The following KIAA1549L variants were observed in gnomAD, a reference collection of about 807,000 sequenced individuals.
The protein encoded by KIAA1549L is UPF0606 protein KIAA1549L.
Under a neutral mutation model 160.7 loss-of-function variants are expected in KIAA1549L, and 88 were observed. The observed-to-expected ratio is 0.55, with a 90% CI of 0.46 to 0.65. The LOEUF (loss-of-function observed/expected upper bound fraction) is 0.65, where lower values mean the gene tolerates loss of function less well. Ranked by LOEUF, KIAA1549L falls within the 30% of genes least tolerant of loss-of-function variation. The pLI is 0.00. For missense variants in KIAA1549L, 2,258 were observed against 2,437.5 expected (o/e 0.93, Z 1.55); for synonymous variants, 950 against 976.7 (o/e 0.97, Z 0.51).
intron 7 of KIAA1549L, among the ~76,000 whole-genome samples, 163 bp downstream of exon 7, chr11:33,560,074 C>A (rs1434741933): frequency 1.3e-5 from 2 of 152,294 alleles, no homozygotes; most frequent in East Asian, 3.9e-4. Flanking sequence ...ATTAAGGAGG[C>A]AGATGGATTA....
At chr11:33,636,718 T>C (rs1159076164) in intron 16 of KIAA1549L, among the ~76,000 whole-genome samples, 1 of 152,242 alleles carries the variant, frequency 6.6e-6, no homozygotes, top group East Asian at 1.9e-4. Context: ...AATTTCTCAC[T>C]GTGCCTAATT....
chr11:33,517,770 C>T (rs1018207309), intron 1 of KIAA1549L, among the ~76,000 whole-genome samples: 12 of 152,078 alleles, frequency 7.9e-5, no homozygotes, highest in Admixed American at 1.3e-4. Flanking sequence ...CTGTGGGAAA[C>T]TCTGCAGGTA....
intron 1 of KIAA1549L, among the ~76,000 whole-genome samples, chr11:33,487,032 T>G (rs1179180191): frequency 2.0e-5 from 3 of 152,230 alleles, no homozygotes; most frequent in Admixed American, 1.3e-4. Context: ...TATGTGGATC[T>G]CCATAGCAAT....
In KIAA1549L at chr11:33,531,533, T is replaced by C. The variant is rs144247155; in HGVS notation, c.239-10269T>C. Among the ~76,000 whole-genome samples the C allele has an allele frequency of 1.2e-3, 176 of 152,294 alleles. 2 individuals are homozygous for C. The highest frequency in any genetic ancestry group is 4.1e-3 in the African/African-American group (170 of 41,568). ...GAGGTATCAGCTTTATTTTTAAACC[T>C]GATTCCACAAAAGATTACCAACAAA... is the stretch of plus-strand genomic sequence containing the variant. On this transcript the variant is annotated intron_variant, in intron 1 of 20. Coordinates refer to ENST00000658780, the MANE Select transcript of KIAA1549L (RefSeq NM_012194.3).
intron 16 of KIAA1549L, among the ~76,000 whole-genome samples, chr11:33,634,420 C>T (rs144238868): frequency 6.6e-6 from 1 of 152,270 alleles, no homozygotes; most frequent in East Asian, 1.9e-4. Context: ...TCCAGCATGA[C>T]TGGACAAGAG....
intron 1 of KIAA1549L, among the ~76,000 whole-genome samples, chr11:33,459,222 A>G (rs1383757353): frequency 1.3e-5 from 2 of 152,120 alleles, no homozygotes; most frequent in Non-Finnish European, 2.9e-5. Context: ...TGCTGTTTTA[A>G]CCTTGTTGGA....
intron 16 of KIAA1549L, among the ~76,000 whole-genome samples, chr11:33,644,750 C>T (rs1013259597): frequency 2.6e-5 from 4 of 152,242 alleles, no homozygotes; most frequent in Admixed American, 1.3e-4. Flanking sequence ...CTGTGGCATC[C>T]GCCACAAGGC....
intron 1 of KIAA1549L, among the ~76,000 whole-genome samples, chr11:33,458,769 G>C (rs751237433): frequency 1.3e-5 from 2 of 152,212 alleles, no homozygotes; most frequent in Non-Finnish European, 2.9e-5. Flanking sequence ...TGATTGTGCT[G>C]AGCAAGTGGC....
chr11:33,665,526 T>G (rs113500601), intron 20 of KIAA1549L: 16 of 152,374 alleles, frequency 1.1e-4, no homozygotes, highest in African/African-American at 3.6e-4. Flanking sequence ...CTCTCTCTCT[T>G]CTGCCCTGCT....
At chr11:33,530,401 A>AAAG (rs1322448838) in intron 1 of KIAA1549L, among the ~76,000 whole-genome samples, 1 of 104,244 alleles carries the variant, frequency 9.6e-6, no homozygotes. Context: ...GACTCCGTCT[A>AAAG]AAGAAGAAGA....
intron 1 of KIAA1549L, among the ~76,000 whole-genome samples, chr11:33,466,892 C>A (rs1314844647): frequency 1.3e-5 from 2 of 149,076 alleles, no homozygotes; most frequent in Non-Finnish European, 3.0e-5. Context: ...ACCACATGTT[C>A]TCACTCATAA....
intron 1 of KIAA1549L, among the ~76,000 whole-genome samples, chr11:33,422,114 C>A (rs867299073): frequency 1.3e-4 from 20 of 152,224 alleles, no homozygotes; most frequent in African/African-American, 3.4e-4. Flanking sequence ...TCCTGCCAGG[C>A]CTCTCTCCAT....
intron 17 of KIAA1549L, among the ~76,000 whole-genome samples, chr11:33,651,684 C>T: frequency 6.6e-6 from 1 of 152,100 alleles, no homozygotes; most frequent in Non-Finnish European, 1.5e-5. Context: ...GATCCCTCCT[C>T]CTGGGTAAAT....
chr11:33,540,212 G>T (rs1298303526), intron 1 of KIAA1549L, among the ~76,000 whole-genome samples: 1 of 152,142 alleles, frequency 6.6e-6, no homozygotes, highest in Non-Finnish European at 1.5e-5. Context: ...AAGCTGCTCA[G>T]CCTGTAGCAT....
intron 3 of KIAA1549L, among the ~76,000 whole-genome samples, 170 bp downstream of exon 3, chr11:33,545,548 G>T (rs1854223685): frequency 6.6e-6 from 1 of 152,202 alleles, no homozygotes; most frequent in African/African-American, 2.4e-5. Flanking sequence ...GATGGCTGGA[G>T]ATACTACTAA....
chr11:33,568,097 C>T lies in KIAA1549L; in HGVS notation c.4100C>T (p.Ser1367Leu), dbSNP rs746306315. The T allele has an allele frequency of 1.6e-5, 26 of 1,611,418 alleles. No individual in the cohort carries two copies. Among genetic ancestry groups the T allele is most frequent in the South Asian group, 1.5e-4 (14 of 90,410 alleles). ...ACAGTGCTGCAGGGTGTGGACAATTCGCTGGTGGGCCTGCACAACCAGAGC... is the reference window on the plus strand; with the variant it reads ...ACAGTGCTGCAGGGTGTGGACAATTTGCTGGTGGGCCTGCACAACCAGAGC... The part of the protein sequence containing the change: ...VITVLQGVDN[S>L]LVGLHNQSFA... Residue 1367 changes from serine to leucine, a missense_variant, in exon 9 of 21, where the codon TCG becomes TTG. Physicochemically the swap from Ser to Leu is moderately radical, Grantham distance 145. Coordinates refer to ENST00000658780, the MANE Select transcript of KIAA1549L (RefSeq NM_012194.3).
chr11:33,581,366 T>A (rs904350196), intron 10 of KIAA1549L, among the ~76,000 whole-genome samples: 13 of 151,926 alleles, frequency 8.6e-5, no homozygotes, highest in African/African-American at 3.1e-4. Context: ...TTAGATTATT[T>A]GGACTGTTTG....
intron 16 of KIAA1549L, among the ~76,000 whole-genome samples, chr11:33,629,496 C>A (rs986816870): frequency 4.1e-4 from 63 of 151,934 alleles, no homozygotes; most frequent in African/African-American, 1.4e-3. Context: ...TCTTTTTATT[C>A]TTTTTTCTCT....
chr11:33,424,796 C>T (rs1028781985), intron 1 of KIAA1549L, among the ~76,000 whole-genome samples: 1 of 152,168 alleles, frequency 6.6e-6, no homozygotes, highest in African/African-American at 2.4e-5. Flanking sequence ...GAAATATACT[C>T]CTCTCCAAGT....
Sources: allele counts gnomAD v4.1 joint callset (sites outside exome capture counted in the v4.1 genomes callset), GRCh38; gene constraint gnomAD v4.1.1; transcripts MANE v1.5; gene names NCBI Gene and HGNC (gene_info 2026-07-23, HGNC 2026-07-21).